The following ESR1 variants were observed in gnomAD, a reference collection of about 807,000 sequenced individuals.
ESR1 encodes estrogen receptor 1.
Under a neutral mutation model 52.7 loss-of-function variants are expected in ESR1, and 12 were observed. The ratio of observed to expected loss-of-function variants is 0.23; its 90% CI spans 0.15 to 0.37. ESR1 has a LOEUF of 0.37. Among genes scored for constraint, ESR1 ranks in the 10% least tolerant of loss-of-function variants. The pLI, the probability that ESR1 is intolerant of heterozygous loss-of-function variation, is 1.00. For missense variants in ESR1, 584 were observed against 779.7 expected (o/e 0.75, Z 2.99); for synonymous variants, 305 against 316.8 (o/e 0.96, Z 0.39).
intron 3 of ESR1, among the ~76,000 whole-genome samples, chr6:151,933,250 CTGTT>C (rs1180108091): frequency 6.7e-6 from 1 of 149,006 alleles, no homozygotes; most frequent in Non-Finnish European, 1.5e-5. Flanking sequence ...ATTTGGCTCT[CTGTT>C]TGTCTGTTGT....
intron 5 of ESR1, among the ~76,000 whole-genome samples, chr6:152,049,593 G>T (rs1447114192): frequency 6.6e-6 from 1 of 152,210 alleles, no homozygotes; most frequent in Non-Finnish European, 1.5e-5. Flanking sequence ...GTTCTTCTGG[G>T]TGAGTAAAGG....
rs1253033291 is a variant in ESR1, at chr6:151,901,134, AG to A, written c.760+20369del. Reference sequence around the variant, plus strand: ...TCTTGCTGAGGCTGTGCTGTGGGGCAGGGGGGTGAGGTTCCCAGGTCAATGG... The same window carrying A: ...TCTTGCTGAGGCTGTGCTGTGGGGCAGGGGGTGAGGTTCCCAGGTCAATGG... On this transcript the variant is annotated intron_variant, in intron 3 of 7. Coordinates refer to ENST00000206249, the MANE Select transcript of ESR1 (RefSeq NM_000125.4). Among the ~76,000 whole-genome samples, 7 of 152,244 alleles carry A rather than the reference AG, an allele frequency of 4.6e-5. No individual in the cohort carries two copies. The South Asian group carries it at 1.0e-3, about 23-fold the overall frequency.
At chr6:151,842,280 G>A (rs1297090960) in intron 1 of ESR1, among the ~76,000 whole-genome samples, 1 of 152,158 alleles carries the variant, frequency 6.6e-6, no homozygotes, top group Non-Finnish European at 1.5e-5. Flanking sequence ...TAATGGTTCT[G>A]AAATAATTGT....
At chr6:152,021,399 A>G (rs1168383864) in intron 5 of ESR1, among the ~76,000 whole-genome samples, 1 of 151,600 alleles carries the variant, frequency 6.6e-6, no homozygotes. Context: ...TGCTTAATAA[A>G]CTCCCCTTTA....
At chr6:151,934,839 AATCATGATCATATCC>A (rs1406023716) in intron 3 of ESR1, among the ~76,000 whole-genome samples, 1 of 152,244 alleles carries the variant, frequency 6.6e-6, no homozygotes, top group East Asian at 1.9e-4. Context: ...GCAATTACAG[AATCATGATCATATCC>A]ATAATGGATC....
chr6:151,993,419 T>A (rs1383980883), intron 4 of ESR1, among the ~76,000 whole-genome samples: 1 of 152,138 alleles, frequency 6.6e-6, no homozygotes, highest in Non-Finnish European at 1.5e-5. Context: ...CCAGAGCAAG[T>A]GAACAGGACC....
intron 1 of ESR1, among the ~76,000 whole-genome samples, chr6:151,668,378 A>G (rs953530104): frequency 2.0e-5 from 3 of 151,906 alleles, no homozygotes; most frequent in Admixed American, 6.6e-5. Flanking sequence ...TCCTGGGTTC[A>G]TGCCATTCTC....
chr6:152,072,199 A>C (rs538082435), intron 6 of ESR1, among the ~76,000 whole-genome samples: 2 of 152,246 alleles, frequency 1.3e-5, no homozygotes, highest in Admixed American at 6.5e-5. Flanking sequence ...CATTTTCTTC[A>C]TTTTAGTATC....
chr6:151,681,424 G>A (rs1372778639), intron 1 of ESR1, among the ~76,000 whole-genome samples: 1 of 151,856 alleles, frequency 6.6e-6, no homozygotes, highest in Non-Finnish European at 1.5e-5. Flanking sequence ...TGAGGGGTGG[G>A]GGAGGCTCAG....
chr6:151,827,804 A>G (rs1369785938), intron 1 of ESR1, among the ~76,000 whole-genome samples: 1 of 152,192 alleles, frequency 6.6e-6, no homozygotes, highest in Non-Finnish European at 1.5e-5. Flanking sequence ...ATGGTAATTA[A>G]AAACCTTTGC....
intron 1 of ESR1, among the ~76,000 whole-genome samples, chr6:151,678,310 T>C (rs1207364006): frequency 6.6e-6 from 1 of 151,864 alleles, no homozygotes; most frequent in Non-Finnish European, 1.5e-5. Flanking sequence ...CTGTCTCTAC[T>C]AAAAATACAA....
At chr6:152,125,992 G>A (rs1562846997) in exon 7 of ESR1, 1 of 152,348 alleles carries the variant, frequency 6.6e-6, no homozygotes, top group Admixed American at 6.5e-5. Context: ...GCCCATTTTT[G>A]ATAAAAATGT....
intron 3 of ESR1, among the ~76,000 whole-genome samples, chr6:151,940,066 A>G (rs2034869307): frequency 1.3e-5 from 2 of 152,144 alleles, no homozygotes; most frequent in African/African-American, 4.8e-5. Context: ...GGCTTAATGA[A>G]CTCACAGTTC....
In ESR1 at chr6:151,722,716, G is replaced by A. The variant is rs552537639; in HGVS notation, c.-71+20711G>A. Among the ~76,000 whole-genome samples the A allele has an allele frequency of 7.9e-5, 12 of 152,306 alleles. No homozygotes were observed. In the South Asian group the frequency reaches 2.5e-3, roughly 32 times the overall value. On this transcript the variant is annotated intron_variant, in intron 2 of 2. Transcript: ENST00000404742. ...TGTAAAGGCGTGTTGGGAGGCAGAT[G>A]ATCAGAACTTTTAAGCAAACTAAAT...
intron 4 of ESR1, among the ~76,000 whole-genome samples, chr6:151,974,944 T>A (rs2039291412): frequency 6.6e-6 from 1 of 152,208 alleles, no homozygotes; most frequent in South Asian, 2.1e-4. Context: ...ACAGCGGAAG[T>A]CAGCTATTTT....
intron 5 of ESR1, among the ~76,000 whole-genome samples, chr6:152,017,582 C>A (rs1368709274): frequency 1.3e-5 from 2 of 152,038 alleles, no homozygotes; most frequent in Admixed American, 6.6e-5. Flanking sequence ...AGCACCTAAT[C>A]CTTTGGTGTG....
At chr6:151,937,953 T>G (rs2034566458) in intron 3 of ESR1, among the ~76,000 whole-genome samples, 1 of 152,204 alleles carries the variant, frequency 6.6e-6, no homozygotes, top group African/African-American at 2.4e-5. Context: ...AGTGTTAGAA[T>G]TGATACTGGG....
chr6:151,798,737 G>A (rs1353303601), intron 2 of ESR1, among the ~76,000 whole-genome samples: 1 of 152,094 alleles, frequency 6.6e-6, no homozygotes, highest in Non-Finnish European at 1.5e-5. Flanking sequence ...GTTTTTTGCT[G>A]TTATTGTTGA....
chr6:151,667,414 C>T (rs1374063150), intron 1 of ESR1, among the ~76,000 whole-genome samples: 1 of 152,194 alleles, frequency 6.6e-6, no homozygotes, highest in Non-Finnish European at 1.5e-5. Context: ...GCCTAAAGCA[C>T]TGGGCAAATC....
Sources: gnomAD v4.1 joint callset for allele counts (sites outside exome capture counted in the v4.1 genomes callset) on GRCh38, gnomAD v4.1.1 for gene constraint, MANE v1.5 for transcripts, NCBI Gene and HGNC (gene_info 2026-07-23, HGNC 2026-07-21) for gene names.